The following RFC5 variants were observed in gnomAD, a reference collection of about 807,000 sequenced individuals.
RFC5 encodes the protein A1 36 kDa subunit.
Under a neutral mutation model 44.3 loss-of-function variants are expected in RFC5, and 26 were observed. The ratio of observed to expected loss-of-function variants is 0.59; its 90% CI spans 0.43 to 0.81. The LOEUF (loss-of-function observed/expected upper bound fraction) is 0.81, where lower values mean the gene tolerates loss of function less well. Ranked by LOEUF, RFC5 falls within the 40% of genes least tolerant of loss-of-function variation. RFC5 has a pLI of 0.00. For missense variants in RFC5, 328 were observed against 418.6 expected (o/e 0.78, Z 1.89); for synonymous variants, 155 against 155.2 (o/e 1.00, Z 0.01).
Position 118,019,520 on chromosome 12 carries a change from C to T in RFC5, c.131-112C>T. 8.2e-7 allele frequency: 1 copy of T among 1,215,078 alleles called. No homozygotes were observed. The highest frequency in any genetic ancestry group is 1.2e-6 in the Non-Finnish European group (1 of 851,858). The allele number at this position is 1,215,078 out of a possible 1,614,324, so 75.3% of individuals were successfully genotyped here. A position where few individuals can be genotyped will look rare whatever the true frequency, so the allele number is the denominator to read the frequency against. ...CCCCTACATCAAGTTGTATCTGCCT[C>T]TGATTTGGACATTGAATTGGGTTGA... On this transcript the variant is annotated intron_variant, in intron 2 of 10. Transcript: ENST00000454402. This position sits in a 1 kb window ranked among gnomAD's most constrained non-coding sequence, Gnocchi z 4.2.
intron 1 of RFC5, chr12:118,017,680 T>G: frequency 1.0e-6 from 1 of 959,186 alleles, no homozygotes; most frequent in Non-Finnish European, 1.4e-6. Context: ...TACGTATTTT[T>G]TTTTTTTAGA....
chr12:118,017,824 C>T, intron 1 of RFC5: 1 of 675,396 alleles, frequency 1.5e-6, no homozygotes, highest in Non-Finnish European at 2.7e-6. Flanking sequence ...AGGCGAGCTA[C>T]CAAGCCCATC....
downstream of RFC5, chr12:118,035,153 T>C: frequency 6.2e-7 from 1 of 1,612,328 alleles, no homozygotes; most frequent in Non-Finnish European, 8.5e-7. Flanking sequence ...CAAGAGGGCC[T>C]TGCTGCCATT....
downstream of RFC5, chr12:118,036,315 C>T (rs781758176): frequency 6.2e-7 from 1 of 1,603,840 alleles, no homozygotes; most frequent in Non-Finnish European, 8.5e-7. Flanking sequence ...ACAAAAAAGT[C>T]ATAGCAGGGA....
intron 9 of RFC5, among the ~76,000 whole-genome samples, 184 bp downstream of exon 9, chr12:118,028,214 T>G (rs1020821090): frequency 1.3e-5 from 2 of 152,158 alleles, no homozygotes; most frequent in Admixed American, 1.3e-4. Context: ...CTGGGTACGG[T>G]GGCTCAAGCC....
intron 4 of RFC5, among the ~76,000 whole-genome samples, chr12:118,021,502 G>A (rs2030488799): frequency 6.6e-6 from 1 of 152,024 alleles, no homozygotes; most frequent in South Asian, 2.1e-4. Context: ...CGTGAGCCCA[G>A]CCTGCATTAC....
downstream of RFC5, chr12:118,036,620 G>C (rs2031517516): frequency 2.6e-6 from 3 of 1,157,680 alleles, no homozygotes; most frequent in African/African-American, 3.1e-5. Flanking sequence ...AGCCAGGGCT[G>C]ATTCTCTATC....
chr12:118,040,569 T>C, the RFC5 span, among the ~76,000 whole-genome samples: 1 of 151,508 alleles, frequency 6.6e-6, no homozygotes, highest in Admixed American at 6.6e-5. Context: ...AAGACCAGCC[T>C]GACCTTCATG....
chr12:118,033,389 T>C (rs938419814), downstream of RFC5: 1 of 152,620 alleles, frequency 6.6e-6, no homozygotes, highest in Non-Finnish European at 1.5e-5. Flanking sequence ...AAAACACAGT[T>C]GTACCTTAAC....
chr12:118,038,156 TG>T, the RFC5 span: 2 of 717,402 alleles, frequency 2.8e-6, no homozygotes, highest in Non-Finnish European at 4.3e-6. Flanking sequence ...TTGCAGGTGG[TG>T]GCCATGGCCC....
intron 7 of RFC5, 55 bp downstream of exon 7, chr12:118,025,883 C>T (rs911367067): frequency 5.1e-5 from 56 of 1,096,304 alleles, no homozygotes; most frequent in Non-Finnish European, 7.3e-5. Flanking sequence ...GAGTCTTGCT[C>T]TGTCGCTCAG....
chr12:118,018,989 G>A, intron 1 of RFC5, 83 bp from the exon 2 acceptor site: 1 of 1,069,698 alleles, frequency 9.3e-7, no homozygotes, highest in Non-Finnish European at 1.4e-6. Flanking sequence ...ATGAGCCACT[G>A]TGCCTGACCT....
downstream of RFC5, chr12:118,035,137 C>A: frequency 3.1e-6 from 5 of 1,612,518 alleles, no homozygotes; most frequent in Non-Finnish European, 4.2e-6. Flanking sequence ...TGACCCAGGG[C>A]CAGACCAAGA....
chr12:118,021,272 C>A (rs1423175203), intron 4 of RFC5, among the ~76,000 whole-genome samples: 1 of 151,502 alleles, frequency 6.6e-6, no homozygotes, highest in Admixed American at 6.6e-5. Flanking sequence ...AGTGCAGTAG[C>A]ATGATCTCGG....
chr12:118,034,733 T>G, downstream of RFC5: 1 of 538,170 alleles, frequency 1.9e-6, no homozygotes, highest in Non-Finnish European at 3.3e-6. Flanking sequence ...ATCATCTCAA[T>G]TTTATTCTCC....
downstream of RFC5, chr12:118,033,169 T>A (rs2031408506): frequency 6.6e-6 from 1 of 152,202 alleles, no homozygotes; most frequent in African/African-American, 2.4e-5. Flanking sequence ...GATAACTACA[T>A]GCCACTGAAG....
At chr12:118,035,437 C>T, downstream of RFC5, 1 of 833,550 alleles carries the variant, frequency 1.2e-6, no homozygotes, top group Non-Finnish European at 1.9e-6. Flanking sequence ...GCTCAAGATG[C>T]ATTGTGTGCC....
intron 5 of RFC5, among the ~76,000 whole-genome samples, chr12:118,024,447 A>G (rs5745856): frequency 5.9e-4 from 90 of 151,558 alleles, no homozygotes; most frequent in African/African-American, 1.8e-3. Context: ...CTTTTTTGAG[A>G]CAGAGTCTCA....
downstream of RFC5, chr12:118,034,572 G>GCTCTCTCTCTCTCTCTCTCTCT: frequency 2.2e-6 from 1 of 453,668 alleles, no homozygotes. Flanking sequence ...TGATACCAAA[G>GCTCTCTCTCTCTCTCTCTCTCT]CGCTCTCTCT....
Sources: gnomAD v4.1 joint callset for allele counts (sites outside exome capture counted in the v4.1 genomes callset) on GRCh38, gnomAD v4.1.1 for gene constraint, Gnocchi (gnomAD v3.1) non-coding constraint, MANE v1.5 for transcripts, NCBI Gene and HGNC (gene_info 2026-07-23, HGNC 2026-07-21) for gene names.